DOCK1: variants seen among roughly 807,000 people sequenced by gnomAD.
The protein encoded by DOCK1 is dedicator of cytokinesis 1, also known as dedicator of cytokinesis protein 1.
Under a neutral mutation model 262.7 loss-of-function variants are expected in DOCK1, and 138 were observed. The ratio of observed to expected loss-of-function variants is 0.53; its 90% CI spans 0.46 to 0.61. The LOEUF (loss-of-function observed/expected upper bound fraction) is 0.61. Among genes scored for constraint, DOCK1 ranks in the 20% least tolerant of loss-of-function variants. DOCK1 has a pLI of 0.00. For missense variants in DOCK1, 1,908 were observed against 2,370.7 expected (o/e 0.80, Z 4.05); for synonymous variants, 866 against 867.4 (o/e 1.00, Z 0.03).
chr10:126,932,964 T>G (rs2034297097), intron 1 of DOCK1, among the ~76,000 whole-genome samples: 1 of 152,090 alleles, frequency 6.6e-6, no homozygotes, highest in South Asian at 2.1e-4. Context: ...TCAGTCCTTT[T>G]TCCATAGGTT....
At chr10:127,126,040 C>G (rs1175600517) in intron 26 of DOCK1, among the ~76,000 whole-genome samples, 1 of 151,388 alleles carries the variant, frequency 6.6e-6, no homozygotes, top group Non-Finnish European at 1.5e-5. Context: ...CCCTCAGGCT[C>G]TCTTCCCCTA....
At chr10:127,325,461 T>G (rs1843289574) in intron 29 of DOCK1, among the ~76,000 whole-genome samples, 1 of 152,228 alleles carries the variant, frequency 6.6e-6, no homozygotes. Flanking sequence ...TGACACCCAT[T>G]TCACAGATGC....
chr10:127,031,590 A>T, intron 16 of DOCK1, 60 bp from the exon 17 acceptor site: 1 of 1,328,486 alleles, frequency 7.5e-7, no homozygotes, highest in South Asian at 1.3e-5. Context: ...GCTTCTTATA[A>T]TGTTATTTTG....
At chr10:127,264,481 TA>T (rs2135100695) in intron 29 of DOCK1, among the ~76,000 whole-genome samples, 1 of 152,334 alleles carries the variant, frequency 6.6e-6, no homozygotes, top group South Asian at 2.1e-4. Context: ...AAGGTTCATA[TA>T]ACATGAATAT....
Position 126,947,309 on chromosome 10 carries a change from G to GTGATGGTGGTGGTTGGTAGTATTACTGT in DOCK1, c.47-23391_47-23390insATGGTGGTGGTTGGTAGTATTACTGTTG, listed in dbSNP as rs1475515878. On this transcript the variant is annotated intron_variant, in intron 1 of 51. Transcript: ENST00000623213. ...GTGGTGGTTGGTAGTATTACTGTTGGTGGTGATGGTGGTGGTTGGTAGTAT... is the reference window on the plus strand; with the variant it reads ...GTGGTGGTTGGTAGTATTACTGTTGGTGATGGTGGTGGTTGGTAGTATTACTGTTGGTGATGGTGGTGGTTGGTAGTAT... 7.5e-4 allele frequency among the ~76,000 whole-genome samples: 53 copies of GTGATGGTGGTGGTTGGTAGTATTACTGT among 70,416 alleles called. 1 individual carries two copies. Among genetic ancestry groups the GTGATGGTGGTGGTTGGTAGTATTACTGT allele is most frequent in the East Asian group, 7.5e-3 (6 of 802 alleles). 46.2% of individuals were successfully genotyped at this position (70,416 alleles called of 152,430 possible). A position where few individuals can be genotyped will look rare whatever the true frequency, so the allele number is the denominator to read the frequency against.
At chr10:127,036,599 A>T (rs1294904681) in intron 18 of DOCK1, among the ~76,000 whole-genome samples, 1 of 152,082 alleles carries the variant, frequency 6.6e-6, no homozygotes, top group Non-Finnish European at 1.5e-5. Flanking sequence ...GAGTAATGGG[A>T]TGTTAATATA....
intron 1 of DOCK1, among the ~76,000 whole-genome samples, chr10:126,954,085 CAG>C (rs2036544782): frequency 6.6e-6 from 1 of 152,204 alleles, no homozygotes; most frequent in South Asian, 2.1e-4. Flanking sequence ...AGCAAGCAAA[CAG>C]GGTTTTATAG....
intron 40 of DOCK1, among the ~76,000 whole-genome samples, chr10:127,407,234 C>A (rs2134356057): frequency 6.6e-6 from 1 of 152,176 alleles, no homozygotes; most frequent in East Asian, 1.9e-4. Context: ...AGACTGGGTA[C>A]TTTATAAACA....
chr10:127,132,894 G>T (rs1272634097), intron 27 of DOCK1, among the ~76,000 whole-genome samples: 1 of 152,206 alleles, frequency 6.6e-6, no homozygotes. Flanking sequence ...AAATGAAAAT[G>T]TGGGCTTCTT....
chr10:127,339,617 G>GTGTGTGTT (rs1190318024), intron 30 of DOCK1, among the ~76,000 whole-genome samples: 2 of 148,930 alleles, frequency 1.3e-5, no homozygotes, highest in East Asian at 3.9e-4. Flanking sequence ...GAGAGAGAGT[G>GTGTGTGTT]TGTGTGTTTG....
Position 127,240,445 on chromosome 10 carries a change from TG to T in DOCK1, c.2848-7560del, listed in dbSNP as rs1251314679. On this transcript the variant is annotated intron_variant, in intron 27 of 51. Transcript: ENST00000623213. ...ACAATTTCACCATGGGTTGTTTATA[TG>T]GGAAAGGTTTTATGAGTTCACTGAT... 3.3e-5 allele frequency among the ~76,000 whole-genome samples: 5 copies of T among 152,158 alleles called. No individual in the cohort carries two copies. In the South Asian group the frequency reaches 1.0e-3, roughly 32 times the overall value.
At chr10:127,246,203 A>T (rs2059425251) in intron 27 of DOCK1, among the ~76,000 whole-genome samples, 1 of 152,204 alleles carries the variant, frequency 6.6e-6, no homozygotes, top group South Asian at 2.1e-4. Context: ...TAAAGAAATG[A>T]GGTCAGCCAG....
Position 126,927,423 on chromosome 10 carries a change from T to A in DOCK1, c.46+21860T>A, listed in dbSNP as rs118022701. Among the ~76,000 whole-genome samples, 68 of 152,162 alleles carry A rather than the reference T, an allele frequency of 4.5e-4. No individual in the cohort carries two copies. The East Asian group carries it at 0.012, about 27-fold the overall frequency. On this transcript the variant is annotated intron_variant, in intron 1 of 51. Coordinates refer to ENST00000623213, the MANE Select transcript of DOCK1 (RefSeq NM_001290223.2). ...TCTCTTCCTTTCTTTCCAAAGAGGA[T>A]GTCCGTGAGTTACTGTCTCATTCTT...
At chr10:127,048,216 T>C (rs2044472878) in intron 21 of DOCK1, among the ~76,000 whole-genome samples, 1 of 152,216 alleles carries the variant, frequency 6.6e-6, no homozygotes, top group South Asian at 2.1e-4. Context: ...GGGGCAAAAT[T>C]ATATCTCTTG....
chr10:126,926,029 G>T (rs12778399), intron 1 of DOCK1, among the ~76,000 whole-genome samples: 29,029 of 151,858 alleles, frequency 0.19, 3,176 homozygotes, highest in East Asian at 0.36. Flanking sequence ...TTAGTTAACC[G>T]CTCTGAGCCT....
At chr10:127,201,964 G>T (rs1389705591) in intron 27 of DOCK1, among the ~76,000 whole-genome samples, 1 of 152,184 alleles carries the variant, frequency 6.6e-6, no homozygotes, top group Non-Finnish European at 1.5e-5. Flanking sequence ...CATTGAGCCT[G>T]CTGAAGCCAC....
rs969341366 is a variant in DOCK1 at position 127,434,889 on chromosome 10, T to C, written c.5060+1461T>C. 1.3e-5 allele frequency among the ~76,000 whole-genome samples: 2 copies of C among 152,124 alleles called. 1 individual carries two copies. The highest frequency in any genetic ancestry group is 4.8e-5 in the African/African-American group (2 of 41,446). ...GGATGGTCTCGATCTCCTGACCTCATGATCCGCCCGCCTCGGCCTCCCAAA... is the reference window on the plus strand; with the variant it reads ...GGATGGTCTCGATCTCCTGACCTCACGATCCGCCCGCCTCGGCCTCCCAAA... On this transcript the variant is annotated intron_variant, in intron 48 of 51. Coordinates refer to ENST00000623213, the MANE Select transcript of DOCK1 (RefSeq NM_001290223.2).
chr10:127,128,145 T>C (rs545196156), intron 27 of DOCK1: 12 of 154,774 alleles, frequency 7.8e-5, no homozygotes, highest in Non-Finnish European at 1.6e-4. Flanking sequence ...CTCTAATGTA[T>C]TGTAGGTGTT....
At chr10:127,140,432 G>A (rs2133272771) in intron 27 of DOCK1, among the ~76,000 whole-genome samples, 1 of 152,314 alleles carries the variant, frequency 6.6e-6, no homozygotes, top group Middle Eastern at 3.4e-3. Flanking sequence ...CCAGCAAGTT[G>A]ACCCTGAGGT....
Sources: gnomAD v4.1 joint callset for allele counts (sites outside exome capture counted in the v4.1 genomes callset) on GRCh38, gnomAD v4.1.1 for gene constraint, MANE v1.5 for transcripts, NCBI Gene and HGNC (gene_info 2026-07-23, HGNC 2026-07-21) for gene names.